ZNF382: variants seen among roughly 807,000 people sequenced by gnomAD.
The protein encoded by ZNF382 is zinc finger protein 382, also known as KRAB/zinc finger suppressor protein 1.
In ZNF382, 20 loss-of-function variants were observed where a neutral mutation model predicts 38.8. The observed-to-expected ratio is 0.51, with a 90% CI of 0.36 to 0.75. The LOEUF (loss-of-function observed/expected upper bound fraction) is 0.75, where lower values mean the gene tolerates loss of function less well. ZNF382 is among the 30% of genes least tolerant of loss of function. ZNF382 has a pLI of 0.00. For missense variants in ZNF382, 546 were observed against 654.1 expected (o/e 0.83, Z 1.80); for synonymous variants, 202 against 223.1 (o/e 0.91, Z 0.84).
intron 4 of ZNF382, among the ~76,000 whole-genome samples, chr19:36,623,534 A>C (rs2037185930): frequency 6.6e-6 from 1 of 152,134 alleles, no homozygotes; most frequent in African/African-American, 2.4e-5. Flanking sequence ...TCACTCCTGT[A>C]ATCTCAGCAT....
chr19:36,626,769 C>A lies in ZNF382; in HGVS notation c.872C>A (p.Thr291Lys). The part of the protein sequence containing the change: ...PVFIMPQRPQ[T>K]EEKPFHCPYC... ...TTTATTATGCCTCAGAGACCTCAAA[C>A]AGAAGAGAAACCCTTTCACTGTCCT... is the stretch of plus-strand genomic sequence containing the variant. Residue 291 changes from threonine to lysine, a missense_variant, in exon 5 of 5, where the codon ACA (threonine) becomes AAA (lysine). Physicochemically the swap from Thr to Lys is moderately conservative, Grantham distance 78. Transcript: ENST00000292928. 1 of 1,614,202 alleles carries A rather than the reference C, an allele frequency of 6.2e-7. No homozygotes were observed. Among genetic ancestry groups the A allele is most frequent in the Non-Finnish European group, 8.5e-7 (1 of 1,180,038 alleles).
chr19:36,610,031 C>T lies in ZNF382; in HGVS notation c.117C>T (p.Asn39=). 2 of 1,613,652 alleles carry T rather than the reference C, an allele frequency of 1.2e-6. No homozygotes were observed. Among genetic ancestry groups the T allele is most frequent in the Non-Finnish European group, 1.7e-6 (2 of 1,179,880 alleles). Residue 39 remains asparagine (N), a synonymous_variant, in exon 3 of 5, where the codon AAC becomes AAT. Transcript: ENST00000292928. ...KALYRDVMLE[N]YCHFVSVGFH... ...TTTACAGGGATGTGATGTTGGAAAA[C>T]TATTGCCACTTCGTATCTGTGGGTA...
At chr19:36,612,846 C>T (rs2037089464) in intron 4 of ZNF382, among the ~76,000 whole-genome samples, 2 of 152,192 alleles carry the variant, frequency 1.3e-5, no homozygotes, top group African/African-American at 4.8e-5. Context: ...GGCTGGAGTG[C>T]AGTAGCACAA....
chr19:36,620,722 A>G (rs2037162260), intron 4 of ZNF382, among the ~76,000 whole-genome samples: 1 of 151,952 alleles, frequency 6.6e-6, no homozygotes, highest in Admixed American at 6.6e-5. Context: ...AATAATTGCT[A>G]TCTTTACTCT....
At chr19:36,612,501 G>A (rs1290654583) in intron 4 of ZNF382, among the ~76,000 whole-genome samples, 2 of 152,168 alleles carry the variant, frequency 1.3e-5, no homozygotes, top group Non-Finnish European at 2.9e-5. Flanking sequence ...TAAGGCAGAT[G>A]CGTATTTCAT....
chr19:36,622,556 G>T (rs1173556158), intron 4 of ZNF382, among the ~76,000 whole-genome samples: 1 of 152,166 alleles, frequency 6.6e-6, no homozygotes, highest in Non-Finnish European at 1.5e-5. Context: ...AACCAGCGAA[G>T]CTCAGCACAG....
At chr19:36,619,747 T>G (rs2037154204) in intron 4 of ZNF382, among the ~76,000 whole-genome samples, 1 of 152,142 alleles carries the variant, frequency 6.6e-6, no homozygotes, top group South Asian at 2.1e-4. Flanking sequence ...TTTTTTCTTT[T>G]TGAGATGGAG....
At position 36,628,808 on chromosome 19, in the gene ZNF382, A is replaced by G. The variant is rs1199804599; in HGVS notation, c.*1258A>G. 1 of 152,648 alleles carries G rather than the reference A, an allele frequency of 6.6e-6. No individual in the cohort carries two copies. Among genetic ancestry groups the G allele is most frequent in the Non-Finnish European group, 1.5e-5 (1 of 68,042 alleles). The allele number at this position is 152,648 out of a possible 1,614,324, so 9.5% of individuals were successfully genotyped here. A position where few individuals can be genotyped will look rare whatever the true frequency, so the allele number is the denominator to read the frequency against. On this transcript the variant is annotated 3_prime_UTR_variant, in exon 5 of 5. Transcript: ENST00000292928. ...GGAAAAGCTTATAGCCATCATTCAT[A>G]TATTATACTACACCAGGGAATTCAC...
At chr19:36,621,463 G>C (rs1457394450) in intron 4 of ZNF382, among the ~76,000 whole-genome samples, 1 of 149,756 alleles carries the variant, frequency 6.7e-6, no homozygotes, top group Non-Finnish European at 1.5e-5. Context: ...ATGTATTTCT[G>C]TCTGTGACTC....
chr19:36,614,350 A>G (rs1188641387), intron 4 of ZNF382, among the ~76,000 whole-genome samples: 3 of 152,172 alleles, frequency 2.0e-5, no homozygotes, highest in African/African-American at 4.8e-5. Flanking sequence ...AAAAAAAGCA[A>G]ACAAACAAAT....
rs1446199420 is a variant in ZNF382, at chr19:36,630,439, A to G, written c.*2889A>G. ...CAATGGCGCAATTTCGGCTCATTGCAACCTCTACCTCAAGCAATTCTCCTG... is the reference window on the plus strand; with the variant it reads ...CAATGGCGCAATTTCGGCTCATTGCGACCTCTACCTCAAGCAATTCTCCTG... On this transcript the variant is annotated 3_prime_UTR_variant, in exon 5 of 5. Coordinates refer to ENST00000292928, the MANE Select transcript of ZNF382 (RefSeq NM_032825.5). The G allele has an allele frequency of 6.6e-6, 1 of 150,760 alleles. No homozygotes were observed. The highest frequency in any genetic ancestry group is 1.5e-5 in the Non-Finnish European group (1 of 67,836). The allele number at this position is 150,760 out of a possible 1,614,324, so 9.3% of individuals were successfully genotyped here.
rs1023047462 is a variant in ZNF382, at chr19:36,633,924, G to T, written c.*6374G>T. ...GATCAAATGTTGCTGAGTGTCTGGG[G>T]TGGGGTGGGGTCTGAATACAGAGGG... On this transcript the variant is annotated 3_prime_UTR_variant, in exon 5 of 5. Transcript: ENST00000292928. 1 of 152,106 alleles carries T rather than the reference G, an allele frequency of 6.6e-6. No individual in the cohort carries two copies. Among genetic ancestry groups the T allele is most frequent in the South Asian group, 2.1e-4 (1 of 4,828 alleles). The allele number at this position is 152,106 out of a possible 1,614,324, so 9.4% of individuals were successfully genotyped here.
intron 4 of ZNF382, among the ~76,000 whole-genome samples, chr19:36,611,586 T>C (rs1391651302): frequency 1.3e-5 from 2 of 152,230 alleles, no homozygotes; most frequent in Non-Finnish European, 2.9e-5. Flanking sequence ...TTGGCTATTG[T>C]GAATATTGCT....
Position 36,628,554 on chromosome 19 carries a change from A to C in ZNF382, c.*1004A>C, listed in dbSNP as rs185556884. On this transcript the variant is annotated 3_prime_UTR_variant, in exon 5 of 5. Coordinates refer to ENST00000292928, the MANE Select transcript of ZNF382 (RefSeq NM_032825.5). ...TAGAAAAACATTTAGCCACAGCCCA[A>C]ATCTTCCAGGCAAATGTAATAAACG... 5.9e-5 allele frequency: 9 copies of C among 152,860 alleles called. No individual in the cohort carries two copies. The highest frequency in any genetic ancestry group is 1.0e-4 in the Non-Finnish European group (7 of 68,058). The allele number at this position is 152,860 out of a possible 1,614,324, so 9.5% of individuals were successfully genotyped here.
chr19:36,614,736 G>T (rs2145319497), intron 4 of ZNF382, among the ~76,000 whole-genome samples: 1 of 152,114 alleles, frequency 6.6e-6, no homozygotes, highest in East Asian at 1.9e-4. Context: ...GACCAGCCTG[G>T]CCAACGTGGC....
chr19:36,620,015 G>A (rs1210590446), intron 4 of ZNF382, among the ~76,000 whole-genome samples: 2 of 152,132 alleles, frequency 1.3e-5, no homozygotes, highest in Non-Finnish European at 2.9e-5. Context: ...ACAGGAGTGA[G>A]CCACTGCGCC....
chr19:36,614,441 G>A (rs1051402902), intron 4 of ZNF382, among the ~76,000 whole-genome samples: 1 of 152,120 alleles, frequency 6.6e-6, no homozygotes, highest in African/African-American at 2.4e-5. Flanking sequence ...TTAGATAAAC[G>A]TGCTAGGTTT....
At chr19:36,612,112 T>G (rs1212160702) in intron 4 of ZNF382, among the ~76,000 whole-genome samples, 1 of 152,160 alleles carries the variant, frequency 6.6e-6, no homozygotes, top group Non-Finnish European at 1.5e-5. Flanking sequence ...TAAAAGACAG[T>G]TTCATTAACC....
intron 4 of ZNF382, 43 bp from the exon 5 acceptor site, chr19:36,626,087 C>T: frequency 1.4e-6 from 2 of 1,428,190 alleles, no homozygotes; most frequent in Non-Finnish European, 1.9e-6. Context: ...CAATCCATAG[C>T]ATTTATGTGA....
Sources: allele counts gnomAD v4.1 joint callset (sites outside exome capture counted in the v4.1 genomes callset), GRCh38; gene constraint gnomAD v4.1.1; transcripts MANE v1.5; gene names NCBI Gene and HGNC (gene_info 2026-07-23, HGNC 2026-07-21).